OSGIN2: variants seen among roughly 807,000 people sequenced by gnomAD.
OSGIN2 encodes the protein oxidative stress induced growth inhibitor family member 2, also known as oxidative stress-induced growth inhibitor 2.
In OSGIN2, 19 loss-of-function variants were observed where a neutral mutation model predicts 53.8. The observed-to-expected ratio is 0.35, with a 90% CI of 0.25 to 0.52. The LOEUF is 0.52. Among genes scored for constraint, OSGIN2 ranks in the 20% least tolerant of loss-of-function variants. OSGIN2 has a pLI of 0.95. For missense variants in OSGIN2, 520 were observed against 662.7 expected (o/e 0.78, Z 2.36); for synonymous variants, 236 against 236.0 (o/e 1.00, Z 0.00).
intron 5 of OSGIN2, among the ~76,000 whole-genome samples, chr8:89,923,978 T>C (rs1328551423): frequency 6.6e-6 from 1 of 152,214 alleles, no homozygotes. Context: ...AGATGTAAGA[T>C]GACTTTGTTT....
rs1809330396 is a variant in OSGIN2 at position 89,926,251 on chromosome 8, CTAA to C, written c.*724_*726del. 1 of 152,432 alleles carries C rather than the reference CTAA, an allele frequency of 6.6e-6. No homozygotes were observed. The highest frequency in any genetic ancestry group is 2.1e-4 in the South Asian group (1 of 4,832). The allele number at this position is 152,432 out of a possible 1,614,324, so 9.4% of individuals were successfully genotyped here. ...ACCTTGACAGGTACTTCATATTCTT[CTAA>C]TAATTTAAACAGTCCAATAATGTGG... On this transcript the variant is annotated 3_prime_UTR_variant, in exon 6 of 6. Coordinates refer to ENST00000451899, the MANE Select transcript of OSGIN2 (RefSeq NM_001126111.3).
intron 5 of OSGIN2, among the ~76,000 whole-genome samples, chr8:89,922,742 T>C (rs141242147): frequency 1.2e-4 from 19 of 152,234 alleles, no homozygotes; most frequent in African/African-American, 4.1e-4. Context: ...ATGATGGTGA[T>C]ATGTTCTGAG....
At chr8:89,911,260 C>T (rs771366398) in intron 2 of OSGIN2, among the ~76,000 whole-genome samples, 5 of 152,278 alleles carry the variant, frequency 3.3e-5, no homozygotes, top group Middle Eastern at 3.4e-3. Flanking sequence ...CTAGACTACT[C>T]TCCATCTCAG....
chr8:89,922,978 A>G (rs557026026), intron 5 of OSGIN2, among the ~76,000 whole-genome samples: 23 of 152,242 alleles, frequency 1.5e-4, no homozygotes, highest in Non-Finnish European at 2.5e-4. Flanking sequence ...AATACGATAT[A>G]AAAGATTTAA....
intron 4 of OSGIN2, among the ~76,000 whole-genome samples, chr8:89,920,413 A>G (rs1809172499): frequency 6.6e-6 from 1 of 152,246 alleles, no homozygotes; most frequent in Non-Finnish European, 1.5e-5. Context: ...CATAGAGGTC[A>G]TAGGTATAAC....
At chr8:89,913,716 T>A (rs1809019060) in intron 2 of OSGIN2, among the ~76,000 whole-genome samples, 1 of 152,184 alleles carries the variant, frequency 6.6e-6, no homozygotes, top group South Asian at 2.1e-4. Flanking sequence ...GGCACCTCAA[T>A]GAAGGGACTC....
intron 2 of OSGIN2, among the ~76,000 whole-genome samples, chr8:89,910,227 C>T (rs1259677681): frequency 6.6e-6 from 1 of 152,098 alleles, no homozygotes; most frequent in Non-Finnish European, 1.5e-5. Flanking sequence ...ATTTTATATC[C>T]TTTGTATCAC....
intron 4 of OSGIN2, among the ~76,000 whole-genome samples, chr8:89,917,529 A>G (rs944215334): frequency 6.6e-6 from 1 of 152,166 alleles, no homozygotes; most frequent in Non-Finnish European, 1.5e-5. Flanking sequence ...CTTACACTTG[A>G]GCAGTCAGAC....
At position 89,924,598 on chromosome 8, in the gene OSGIN2, A is replaced by T. The variant is rs1809275625; in HGVS notation, c.716A>T (p.Asn239Ile). 6.2e-7 allele frequency: 1 copy of T among 1,613,626 alleles called. No homozygotes were observed. Among genetic ancestry groups the T allele is most frequent in the African/African-American group, 1.3e-5 (1 of 74,934 alleles). ...GGTCTTCAGAAGAATTTCAGAGAGA[A>T]TACTTACATAACTTCCGTATCAAGA... ...VMGLQKNFRENTYITSVSRLY... is the reference protein window; with the variant it reads ...VMGLQKNFREITYITSVSRLY... Residue 239 changes from asparagine (N) to isoleucine (I), a missense_variant, in exon 6 of 6, where the codon AAT becomes ATT. By Grantham distance (149) the Asn-to-Ile change is moderately radical. This residue lies in a region of OSGIN2 where 78 missense variants were observed against 59.1 expected (regional missense o/e 1.32). Transcript: ENST00000451899.
At chr8:89,922,575 C>T (rs1221417279) in intron 5 of OSGIN2, among the ~76,000 whole-genome samples, 1 of 152,132 alleles carries the variant, frequency 6.6e-6, no homozygotes, top group Non-Finnish European at 1.5e-5. Flanking sequence ...GGTTTAGTTG[C>T]TGCCTTTGTA....
intron 1 of OSGIN2, among the ~76,000 whole-genome samples, chr8:89,905,472 A>C (rs1408543022): frequency 6.6e-6 from 1 of 152,060 alleles, no homozygotes. Context: ...TATACTGTGC[A>C]TGTACTATAA....
chr8:89,924,649 A>T lies in OSGIN2; in HGVS notation c.767A>T (p.Asp256Val). Residue 256 changes from aspartate (D) to valine (V), a missense_variant, in exon 6 of 6, where the codon GAT becomes GTT. Around this residue, in one of 3 missense-constraint regions of OSGIN2, gnomAD observed 78 missense variants for 59.1 expected, o/e 1.32. Coordinates refer to ENST00000451899, the MANE Select transcript of OSGIN2 (RefSeq NM_001126111.3). ...SRLYRDQDDD[D>V]IQDRDISTKH... Reference sequence around the variant, plus strand: ...CTCTACAGAGATCAAGATGATGATGATATTCAAGACAGAGATATTTCAACA... The same window carrying T: ...CTCTACAGAGATCAAGATGATGATGTTATTCAAGACAGAGATATTTCAACA... 1 of 1,614,122 alleles carries T rather than the reference A, an allele frequency of 6.2e-7. No individual in the cohort carries two copies. Among genetic ancestry groups the T allele is most frequent in the South Asian group, 1.1e-5 (1 of 91,088 alleles).
intron 1 of OSGIN2, among the ~76,000 whole-genome samples, chr8:89,903,082 T>G (rs1258063883): frequency 1.3e-5 from 2 of 152,204 alleles, no homozygotes; most frequent in African/African-American, 4.8e-5. Context: ...GACTGCGGGA[T>G]CGGCTAGGCC....
In OSGIN2 at chr8:89,909,065, T is replaced by TATATATATATAA. The variant is rs1418669494; in HGVS notation, c.45-501_45-500insTATATATATAAA. On this transcript the variant is annotated intron_variant, in intron 1 of 5. Transcript: ENST00000451899. ...ATATATATATACATATATATATATATAATGTATATGTAGTATATTTTTTGA... is the reference window on the plus strand; with the variant it reads ...ATATATATATACATATATATATATATATATATATATAAAATGTATATGTAGTATATTTTTTGA... 3.4e-5 allele frequency among the ~76,000 whole-genome samples: 4 copies of TATATATATATAA among 118,788 alleles called. No homozygotes were observed. The East Asian group carries it at 9.4e-4, about 28-fold the overall frequency. 77.9% of individuals were successfully genotyped at this position (118,788 alleles called of 152,430 possible).
At chr8:89,907,596 T>G (rs1020142784) in intron 1 of OSGIN2, among the ~76,000 whole-genome samples, 3 of 152,018 alleles carry the variant, frequency 2.0e-5, no homozygotes, top group African/African-American at 7.2e-5. Context: ...TATTTGTGGG[T>G]TTTCTCTTCC....
intron 4 of OSGIN2, among the ~76,000 whole-genome samples, chr8:89,919,625 G>A (rs1311341630): frequency 6.6e-6 from 1 of 152,178 alleles, no homozygotes; most frequent in Non-Finnish European, 1.5e-5. Flanking sequence ...GCCTGGTTCT[G>A]AAGACAGGCT....
chr8:89,909,065 T>A (rs57014416), intron 1 of OSGIN2, among the ~76,000 whole-genome samples: 1,915 of 117,850 alleles, frequency 0.016, 56 homozygotes, highest in Middle Eastern at 0.051. Context: ...TATATATATA[T>A]AATGTATATG....
chr8:89,921,102 C>A lies in OSGIN2; in HGVS notation c.551C>A (p.Thr184Lys). 1 of 1,598,146 alleles carries A rather than the reference C, an allele frequency of 6.3e-7. No individual in the cohort carries two copies. Among genetic ancestry groups the A allele is most frequent in the Non-Finnish European group, 8.5e-7 (1 of 1,170,492 alleles). ...TAGAATATGGAAGGCTCCATGTTGA[C>A]AATCAGCTTTGGAAGTTGGATGGAA... ...AWHNMEGSMLTISFGSWMELP... is the reference protein window; with the variant it reads ...AWHNMEGSMLKISFGSWMELP... Residue 184 changes from threonine (T) to lysine (K), a missense_variant, in exon 5 of 6, where the codon ACA (threonine) becomes AAA (lysine). This residue lies in a region of OSGIN2 where 203 missense variants were observed against 275.3 expected (regional missense o/e 0.74). Transcript: ENST00000451899.
intron 5 of OSGIN2, among the ~76,000 whole-genome samples, chr8:89,923,536 T>A (rs1472582968): frequency 6.6e-6 from 1 of 152,206 alleles, no homozygotes; most frequent in Non-Finnish European, 1.5e-5. Context: ...CTGTTCTGTT[T>A]TTCACTTTCA....
Sources: gnomAD v4.1 joint callset for allele counts (sites outside exome capture counted in the v4.1 genomes callset) on GRCh38, gnomAD v4.1.1 for gene constraint, gnomAD v4.1.1 regional missense constraint, MANE v1.5 for transcripts, NCBI Gene and HGNC (gene_info 2026-07-23, HGNC 2026-07-21) for gene names.